The following TMEM132D variants were observed in gnomAD, a reference collection of about 807,000 sequenced individuals.
TMEM132D encodes the protein transmembrane protein 132D.
In TMEM132D, 21 loss-of-function variants were observed where a neutral mutation model predicts 62.3. That is an observed-to-expected ratio of 0.34 (90% CI 0.24 to 0.49). The LOEUF (loss-of-function observed/expected upper bound fraction) is 0.49, where lower values mean the gene tolerates loss of function less well. Among genes scored for constraint, TMEM132D ranks in the 20% least tolerant of loss-of-function variants. The pLI, the probability that TMEM132D is intolerant of heterozygous loss-of-function variation, is 0.99. For missense variants in TMEM132D, 1,346 were observed against 1,402.8 expected (o/e 0.96, Z 0.65); for synonymous variants, 621 against 575.6 (o/e 1.08, Z -1.13).
chr12:129,232,865 A>G (rs1289564808), intron 4 of TMEM132D, among the ~76,000 whole-genome samples: 2 of 151,970 alleles, frequency 1.3e-5, no homozygotes, highest in East Asian at 3.9e-4. Flanking sequence ...AGGAGGAAGT[A>G]CCACACTTTT....
At chr12:129,516,580 T>C (rs749684104) in intron 3 of TMEM132D, among the ~76,000 whole-genome samples, 89 of 152,242 alleles carry the variant, frequency 5.8e-4, no homozygotes, top group Admixed American at 9.2e-4. Flanking sequence ...GAGAACAGTA[T>C]GGAGGAAACT....
intron 1 of TMEM132D, among the ~76,000 whole-genome samples, chr12:129,775,730 T>C (rs1300276755): frequency 6.6e-6 from 1 of 152,080 alleles, no homozygotes; most frequent in Non-Finnish European, 1.5e-5. Context: ...TATTCCTGCC[T>C]CCCAGGCCCC....
At chr12:129,408,676 C>T (rs182388238) in intron 3 of TMEM132D, among the ~76,000 whole-genome samples, 1 of 151,682 alleles carries the variant, frequency 6.6e-6, no homozygotes, top group East Asian at 1.9e-4. Flanking sequence ...GGTCACGAAC[C>T]TATTTGAGAA....
chr12:129,830,954 G>C (rs1872810091), intron 1 of TMEM132D, among the ~76,000 whole-genome samples: 1 of 152,050 alleles, frequency 6.6e-6, no homozygotes, highest in African/African-American at 2.4e-5. Context: ...GACACCCCAG[G>C]ACTCTCCGTC....
At chr12:129,095,597 C>T (rs1403820601) in intron 5 of TMEM132D, among the ~76,000 whole-genome samples, 1 of 152,156 alleles carries the variant, frequency 6.6e-6, no homozygotes, top group African/African-American at 2.4e-5. Flanking sequence ...GGTGATCTGC[C>T]TGCCTAGGCC....
At chr12:129,334,354 C>T (rs1227457445) in intron 4 of TMEM132D, among the ~76,000 whole-genome samples, 1 of 147,250 alleles carries the variant, frequency 6.8e-6, no homozygotes, top group African/African-American at 2.7e-5. Context: ...AGTGATGGAT[C>T]TAAAATTTCT....
chr12:129,405,273 G>T (rs1871746868), intron 3 of TMEM132D, among the ~76,000 whole-genome samples: 1 of 152,082 alleles, frequency 6.6e-6, no homozygotes, highest in Non-Finnish European at 1.5e-5. Flanking sequence ...AGGGGAGACA[G>T]ACAGAAAGCT....
intron 5 of TMEM132D, among the ~76,000 whole-genome samples, chr12:129,093,872 T>TAAC (rs1391471478): frequency 2.7e-5 from 4 of 149,334 alleles, no homozygotes; most frequent in South Asian, 2.1e-4. Flanking sequence ...CCCTCAGAAA[T>TAAC]GCCGCATATC....
At chr12:129,791,093 G>T (rs1169885067) in intron 1 of TMEM132D, among the ~76,000 whole-genome samples, 1 of 152,130 alleles carries the variant, frequency 6.6e-6, no homozygotes, top group Non-Finnish European at 1.5e-5. Flanking sequence ...TAAGTTTAAT[G>T]TCAATTGCAT....
At chr12:129,532,281 C>T (rs1876251500) in intron 2 of TMEM132D, among the ~76,000 whole-genome samples, 1 of 152,180 alleles carries the variant, frequency 6.6e-6, no homozygotes, top group African/African-American at 2.4e-5. Flanking sequence ...TGGGAGCGGC[C>T]GACTTGGAGT....
intron 2 of TMEM132D, among the ~76,000 whole-genome samples, chr12:129,624,225 A>G (rs1356405145): frequency 6.6e-6 from 1 of 152,214 alleles, no homozygotes; most frequent in African/African-American, 2.4e-5. Flanking sequence ...CACTATTTCA[A>G]TACTGTTGTG....
At chr12:129,097,071 T>A (rs1282654978) in intron 5 of TMEM132D, among the ~76,000 whole-genome samples, 1 of 152,362 alleles carries the variant, frequency 6.6e-6, no homozygotes, top group South Asian at 2.1e-4. Context: ...ACGTGCCAGG[T>A]GCTGGTCCTG....
At chr12:129,225,458 G>A (rs776760475) in intron 4 of TMEM132D, among the ~76,000 whole-genome samples, 6 of 152,090 alleles carry the variant, frequency 3.9e-5, no homozygotes, top group Non-Finnish European at 8.8e-5. Context: ...ATCGCCACCC[G>A]CACAGTCTTT....
chr12:129,668,802 C>A (rs647856), intron 2 of TMEM132D, among the ~76,000 whole-genome samples: 23 of 152,010 alleles, frequency 1.5e-4, no homozygotes, highest in Admixed American at 1.5e-3. Flanking sequence ...TTGGAGAAAG[C>A]GGTTATTTTA....
At chr12:129,194,007 T>A (rs1395051550) in intron 5 of TMEM132D, among the ~76,000 whole-genome samples, 1 of 152,250 alleles carries the variant, frequency 6.6e-6, no homozygotes, top group African/African-American at 2.4e-5. Context: ...AAAGCCTGAC[T>A]TTTGGCATTT....
chr12:129,400,858 G>T (rs1871601318), intron 3 of TMEM132D, among the ~76,000 whole-genome samples: 1 of 152,198 alleles, frequency 6.6e-6, no homozygotes, highest in South Asian at 2.1e-4. Flanking sequence ...AAAAATGTGA[G>T]TCATATCACG....
intron 2 of TMEM132D, among the ~76,000 whole-genome samples, chr12:129,613,853 G>C (rs1184307991): frequency 2.0e-5 from 3 of 151,090 alleles, no homozygotes; most frequent in Non-Finnish European, 4.4e-5. Context: ...ATCGGCTCCA[G>C]AACCCAACCA....
chr12:129,325,784 A>C (rs1425335274), intron 4 of TMEM132D, among the ~76,000 whole-genome samples: 1 of 152,178 alleles, frequency 6.6e-6, no homozygotes, highest in Non-Finnish European at 1.5e-5. Flanking sequence ...AGTCACAAAC[A>C]TGCCCTTAAA....
intron 4 of TMEM132D, among the ~76,000 whole-genome samples, chr12:129,327,819 A>G (rs1162048626): frequency 6.6e-6 from 1 of 152,192 alleles, no homozygotes; most frequent in Non-Finnish European, 1.5e-5. Flanking sequence ...ATTCAGAGTG[A>G]TATTAAAAAA....
Sources: allele counts gnomAD v4.1 joint callset (sites outside exome capture counted in the v4.1 genomes callset), GRCh38; gene constraint gnomAD v4.1.1; transcripts MANE v1.5; gene names NCBI Gene and HGNC (gene_info 2026-07-23, HGNC 2026-07-21).